The following PDZRN4 variants were observed in gnomAD, a reference collection of about 807,000 sequenced individuals.
The protein encoded by PDZRN4 is PDZ domain-containing RING finger protein 4.
PDZRN4 carries 70 observed loss-of-function variants against 99.0 expected under a neutral mutation model. The ratio of observed to expected loss-of-function variants is 0.71; its 90% CI spans 0.58 to 0.86. The LOEUF is 0.86. PDZRN4 is among the 40% of genes least tolerant of loss of function. PDZRN4 has a pLI of 0.00. For synonymous variants in PDZRN4, 551 were observed against 501.6 expected (o/e 1.10, Z -1.32); for missense variants, 1,474 against 1,331.2 (o/e 1.11, Z -1.67).
chr12:41,563,229 T>C (rs534414577), intron 7 of PDZRN4, among the ~76,000 whole-genome samples: 1 of 152,132 alleles, frequency 6.6e-6, no homozygotes, highest in Non-Finnish European at 1.5e-5. Flanking sequence ...ACACTTCCAT[T>C]ACTCTGAGCG....
intron 3 of PDZRN4, among the ~76,000 whole-genome samples, chr12:41,342,348 A>G (rs1022038274): frequency 6.6e-6 from 1 of 151,948 alleles, no homozygotes; most frequent in African/African-American, 2.4e-5. Flanking sequence ...AAATAGGCGT[A>G]TGGGATTACA....
chr12:41,203,358 G>A (rs1415820181), intron 3 of PDZRN4, among the ~76,000 whole-genome samples: 1 of 151,970 alleles, frequency 6.6e-6, no homozygotes, highest in African/African-American at 2.4e-5. Flanking sequence ...TACTTGAAAG[G>A]ACTCTTACAG....
chr12:41,462,446 A>G (rs1477267162), intron 3 of PDZRN4, among the ~76,000 whole-genome samples: 1 of 152,212 alleles, frequency 6.6e-6, no homozygotes, highest in African/African-American at 2.4e-5. Flanking sequence ...ATCATTAGTC[A>G]CAAGATGCTG....
intron 3 of PDZRN4, among the ~76,000 whole-genome samples, chr12:41,380,070 T>C (rs1343601997): frequency 6.6e-6 from 1 of 152,108 alleles, no homozygotes; most frequent in Non-Finnish European, 1.5e-5. Context: ...TTTTGATGAA[T>C]TCACCTCTTT....
chr12:41,253,799 C>T (rs1286986258), intron 3 of PDZRN4, among the ~76,000 whole-genome samples: 2 of 152,094 alleles, frequency 1.3e-5, no homozygotes, highest in African/African-American at 2.4e-5. Flanking sequence ...AGATATTATT[C>T]AGCCACAAAA....
chr12:41,296,862 G>A (rs768098422), intron 3 of PDZRN4, among the ~76,000 whole-genome samples: 5 of 152,110 alleles, frequency 3.3e-5, no homozygotes, highest in Non-Finnish European at 5.9e-5. Flanking sequence ...GGAGGCTGAG[G>A]TGGGAGGATC....
intron 3 of PDZRN4, among the ~76,000 whole-genome samples, chr12:41,198,224 C>T (rs1384432294): frequency 1.3e-5 from 2 of 152,058 alleles, no homozygotes; most frequent in African/African-American, 4.8e-5. Context: ...AGTCTCCTCT[C>T]TTATTTCTAT....
intron 3 of PDZRN4, among the ~76,000 whole-genome samples, chr12:41,375,864 A>G (rs1442678799): frequency 6.6e-6 from 1 of 152,060 alleles, no homozygotes; most frequent in Non-Finnish European, 1.5e-5. Context: ...AGCTCCCCAG[A>G]GCTTCTGCTT....
chr12:41,355,726 G>T (rs1011229591), intron 3 of PDZRN4, among the ~76,000 whole-genome samples: 43 of 152,138 alleles, frequency 2.8e-4, no homozygotes, highest in South Asian at 4.1e-4. Context: ...AGAAGAAGGT[G>T]ATCAAAAAGT....
At chr12:41,355,654 A>C (rs1275122255) in intron 3 of PDZRN4, among the ~76,000 whole-genome samples, 2 of 152,118 alleles carry the variant, frequency 1.3e-5, no homozygotes, top group African/African-American at 4.8e-5. Context: ...ATACTGTATT[A>C]AACAAAATCT....
At chr12:41,276,051 G>A (rs1247735637) in intron 3 of PDZRN4, among the ~76,000 whole-genome samples, 1 of 152,102 alleles carries the variant, frequency 6.6e-6, no homozygotes, top group Non-Finnish European at 1.5e-5. Context: ...TTTCACAGTT[G>A]TTATTAATGA....
At chr12:41,438,603 AG>A (rs1440612863) in intron 3 of PDZRN4, among the ~76,000 whole-genome samples, 1 of 152,158 alleles carries the variant, frequency 6.6e-6, no homozygotes, top group African/African-American at 2.4e-5. Context: ...CCTTTTTATA[AG>A]GTTTTTGTTT....
intron 3 of PDZRN4, among the ~76,000 whole-genome samples, chr12:41,333,383 T>C (rs1166828782): frequency 6.6e-6 from 1 of 152,100 alleles, no homozygotes; most frequent in African/African-American, 2.4e-5. Flanking sequence ...GGTAAAGTCC[T>C]ATCTGTTTTG....
chr12:41,281,022 G>A (rs922553342), intron 3 of PDZRN4, among the ~76,000 whole-genome samples: 2 of 152,174 alleles, frequency 1.3e-5, no homozygotes, highest in African/African-American at 4.8e-5. Context: ...GAAGGAGCAG[G>A]CAGCAATCTC....
At chr12:41,460,165 G>T in intron 3 of PDZRN4, 1 of 992,826 alleles carries the variant, frequency 1.0e-6, no homozygotes, top group South Asian at 1.6e-5. Flanking sequence ...TGTATATATT[G>T]GTTGCACGTT....
At chr12:41,392,555 C>T (rs1458823890) in intron 3 of PDZRN4, among the ~76,000 whole-genome samples, 1 of 152,280 alleles carries the variant, frequency 6.6e-6, no homozygotes, top group East Asian at 1.9e-4. Context: ...GTATTCTTTT[C>T]AGTGGACTTG....
chr12:41,226,183 T>TA (rs1950993516), intron 3 of PDZRN4, among the ~76,000 whole-genome samples: 1 of 152,060 alleles, frequency 6.6e-6, no homozygotes, highest in South Asian at 2.1e-4. Flanking sequence ...CCCTGGCCCA[T>TA]TTGCTCACCA....
At chr12:41,314,030 C>A (rs1951623690) in intron 3 of PDZRN4, among the ~76,000 whole-genome samples, 1 of 152,122 alleles carries the variant, frequency 6.6e-6, no homozygotes, top group Non-Finnish European at 1.5e-5. Flanking sequence ...TACTTTGAGA[C>A]CACCTATTAC....
At chr12:41,488,475 A>G (rs1028556509) in intron 3 of PDZRN4, among the ~76,000 whole-genome samples, 3 of 152,202 alleles carry the variant, frequency 2.0e-5, no homozygotes, top group Admixed American at 2.0e-4. Context: ...TAACTAAGTG[A>G]CAATCCTCTG....
Sources: gnomAD v4.1 joint callset for allele counts (sites outside exome capture counted in the v4.1 genomes callset) on GRCh38, gnomAD v4.1.1 for gene constraint, MANE v1.5 for transcripts, NCBI Gene and HGNC (gene_info 2026-07-23, HGNC 2026-07-21) for gene names.